The following MYO5B variants were observed in gnomAD, a reference collection of about 807,000 sequenced individuals.
The protein encoded by MYO5B is unconventional myosin-Vb.
A neutral mutation model predicts 229.3 loss-of-function variants in MYO5B; 143 were observed. That is an observed-to-expected ratio of 0.62 (90% CI 0.54 to 0.72). The LOEUF is 0.72. Among genes scored for constraint, MYO5B ranks in the 30% least tolerant of loss-of-function variants. The probability of loss-of-function intolerance (pLI) is 0.00; values close to 1 mark genes in which losing one functional copy is unlikely to be tolerated. For missense variants in MYO5B, 2,321 were observed against 2,331.0 expected (o/e 1.00, Z 0.09); for synonymous variants, 918 against 885.2 (o/e 1.04, Z -0.66).
intron 1 of MYO5B, among the ~76,000 whole-genome samples, chr18:50,081,794 A>AT (rs2031227784): frequency 6.6e-6 from 1 of 151,676 alleles, no homozygotes; most frequent in South Asian, 2.1e-4. Context: ...TAAAAAAAAA[A>AT]TAAAGCCCAC....
chr18:50,053,720 A>T (rs1334592974), intron 2 of MYO5B, among the ~76,000 whole-genome samples: 1 of 152,206 alleles, frequency 6.6e-6, no homozygotes, highest in Non-Finnish European at 1.5e-5. Context: ...ACCAAGTGAT[A>T]TGCTTAAGTT....
At chr18:49,987,992 A>G (rs371242142) in intron 7 of MYO5B, among the ~76,000 whole-genome samples, 66 of 152,340 alleles carry the variant, frequency 4.3e-4, no homozygotes, top group African/African-American at 1.6e-3. Context: ...ACTTTAAAAA[A>G]AAAATCTCCT....
At chr18:49,901,276 G>C (rs752825244) in intron 21 of MYO5B, among the ~76,000 whole-genome samples, 8 of 152,316 alleles carry the variant, frequency 5.3e-5, no homozygotes, top group Non-Finnish European at 1.0e-4. Flanking sequence ...AGGGAAGGAG[G>C]ACTGGCCATG....
intron 1 of MYO5B, among the ~76,000 whole-genome samples, chr18:50,173,084 C>T (rs746128711): frequency 1.4e-4 from 21 of 151,900 alleles, no homozygotes; most frequent in Non-Finnish European, 2.9e-4. Flanking sequence ...GCCAACACGG[C>T]GAACCCCGTC....
intron 1 of MYO5B, among the ~76,000 whole-genome samples, chr18:50,114,084 T>C (rs1393816572): frequency 6.6e-6 from 1 of 152,202 alleles, no homozygotes; most frequent in African/African-American, 2.4e-5. Context: ...TCATGTTAGA[T>C]TATTTCCTTT....
At chr18:49,946,763 T>G (rs1002605349) in intron 14 of MYO5B, among the ~76,000 whole-genome samples, 11 of 152,202 alleles carry the variant, frequency 7.2e-5, no homozygotes, top group African/African-American at 2.7e-4. Context: ...AGACTGCCTT[T>G]GGCAGTGGCA....
chr18:49,978,646 C>T (rs2025779485), intron 9 of MYO5B, among the ~76,000 whole-genome samples: 2 of 151,090 alleles, frequency 1.3e-5, no homozygotes, highest in African/African-American at 4.9e-5. Context: ...TGACCCTACT[C>T]TTTCAGAGTT....
chr18:50,043,331 T>A (rs1280199784), intron 2 of MYO5B, among the ~76,000 whole-genome samples: 4 of 114,324 alleles, frequency 3.5e-5, no homozygotes, highest in African/African-American at 1.1e-4. Flanking sequence ...AATATATATT[T>A]TATATATTTA....
chr18:50,162,117 C>T (rs1378518743), intron 1 of MYO5B, among the ~76,000 whole-genome samples: 1 of 152,276 alleles, frequency 6.6e-6, no homozygotes, highest in Non-Finnish European at 1.5e-5. Context: ...TCACTACATT[C>T]TCCAATTCCC....
intron 1 of MYO5B, among the ~76,000 whole-genome samples, chr18:50,125,035 C>T (rs2032135301): frequency 6.6e-6 from 1 of 152,088 alleles, no homozygotes; most frequent in African/African-American, 2.4e-5. Flanking sequence ...CCTAGCCCTA[C>T]TTTTGGGGAG....
intron 1 of MYO5B, among the ~76,000 whole-genome samples, chr18:50,140,018 T>C (rs2032393945): frequency 7.3e-6 from 1 of 137,578 alleles, no homozygotes; most frequent in African/African-American, 2.9e-5. Context: ...ACAAACAACC[T>C]AGGGGGAAAA....
chr18:50,187,651 G>C (rs2033166641), intron 1 of MYO5B, among the ~76,000 whole-genome samples: 1 of 152,140 alleles, frequency 6.6e-6, no homozygotes, highest in African/African-American at 2.4e-5. Flanking sequence ...GAGTAGCTAG[G>C]ACCACAGGTG....
At chr18:49,863,161 C>G in intron 29 of MYO5B, 66 bp downstream of exon 29, 1 of 1,261,290 alleles carries the variant, frequency 7.9e-7, no homozygotes, top group East Asian at 2.3e-5. Context: ...AAACCCCAAA[C>G]AGACTCGTTT....
intron 27 of MYO5B, among the ~76,000 whole-genome samples, chr18:49,870,771 A>G (rs2024447376): frequency 6.6e-6 from 1 of 152,214 alleles, no homozygotes; most frequent in Non-Finnish European, 1.5e-5. Context: ...AAATAAATAA[A>G]TAAATAAAAG....
chr18:49,956,842 C>T (rs1193030983), intron 12 of MYO5B, among the ~76,000 whole-genome samples: 6 of 152,034 alleles, frequency 3.9e-5, no homozygotes. Flanking sequence ...AAGTAAAGGT[C>T]CCATCTGTAT....
intron 4 of MYO5B, 34 bp downstream of exon 4, chr18:50,036,816 C>T (rs768667188): frequency 6.2e-7 from 1 of 1,613,366 alleles, no homozygotes; most frequent in Non-Finnish European, 8.5e-7. Flanking sequence ...CCACTGACTA[C>T]TCAGGAGGAC....
At chr18:49,873,778 T>C (rs2024485177) in intron 26 of MYO5B, among the ~76,000 whole-genome samples, 1 of 152,208 alleles carries the variant, frequency 6.6e-6, no homozygotes, top group Non-Finnish European at 1.5e-5. Context: ...ATCACCCTAT[T>C]GGCCAAGGTG....
intron 9 of MYO5B, among the ~76,000 whole-genome samples, chr18:49,975,367 T>C (rs1267355310): frequency 1.3e-5 from 2 of 151,920 alleles, no homozygotes; most frequent in African/African-American, 2.4e-5. Context: ...CCTTGAAGAG[T>C]TTCTGAAATT....
intron 26 of MYO5B, among the ~76,000 whole-genome samples, chr18:49,873,797 A>T (rs937539870): frequency 1.3e-5 from 2 of 152,238 alleles, no homozygotes; most frequent in African/African-American, 4.8e-5. Flanking sequence ...TGACTTTGCC[A>T]GGCTTGAGAA....
Sources: allele counts gnomAD v4.1 joint callset (sites outside exome capture counted in the v4.1 genomes callset), GRCh38; gene constraint gnomAD v4.1.1; transcripts MANE v1.5; gene names NCBI Gene and HGNC (gene_info 2026-07-23, HGNC 2026-07-21).